DMBT1: variants seen among roughly 807,000 people sequenced by gnomAD.
The protein encoded by DMBT1 is deleted in malignant brain tumors 1.
DMBT1 carries 198 observed loss-of-function variants against 252.9 expected under a neutral mutation model. The observed-to-expected ratio is 0.78, with a 90% CI of 0.70 to 0.88. The LOEUF (loss-of-function observed/expected upper bound fraction) is 0.88, where lower values mean the gene tolerates loss of function less well. Among genes scored for constraint, DMBT1 ranks in the 40% least tolerant of loss-of-function variants. DMBT1 has a pLI of 0.00. For missense variants in DMBT1, 2,432 were observed against 2,404.7 expected (o/e 1.01, Z -0.24); for synonymous variants, 990 against 942.7 (o/e 1.05, Z -0.92).
At chr10:122,618,446 C>T (rs1345796495) in intron 41 of DMBT1, 106 bp downstream of exon 41, 62 of 1,567,432 alleles carry the variant, frequency 4.0e-5, no homozygotes, top group Middle Eastern at 1.7e-4. Flanking sequence ...TCTATGTTTT[C>T]TATATTTCTG....
At chr10:122,625,463 A>G (rs1222824781) in intron 45 of DMBT1, among the ~76,000 whole-genome samples, 160 bp downstream of exon 45, 1 of 152,158 alleles carries the variant, frequency 6.6e-6, no homozygotes, top group Non-Finnish European at 1.5e-5. Context: ...TCCCACTGCC[A>G]TCACTCTCAT....
intron 50 of DMBT1, among the ~76,000 whole-genome samples, chr10:122,632,460 C>T (rs1270410363): frequency 6.7e-6 from 1 of 149,136 alleles, no homozygotes; most frequent in Non-Finnish European, 1.5e-5. Context: ...GGTGCCCTCT[C>T]CCCATCCTCT....
In DMBT1 at chr10:122,640,171, GTAC is replaced by G; in HGVS notation, c.7075_7077del (p.Tyr2359del). The G allele has an allele frequency of 6.2e-7, 1 of 1,614,080 alleles. No homozygotes were observed. Among genetic ancestry groups the G allele is most frequent in the South Asian group, 1.1e-5 (1 of 91,082 alleles). ...TTCAGAACACCTGGGTCGACACCAT[GTAC>G]ATTGCTAATGACACCATCCACGTTG... On this transcript the variant is annotated inframe_deletion, in exon 55 of 56. Transcript: ENST00000338354.
rs774010507 is a variant in DMBT1, at chr10:122,570,937, G to A, written c.187G>A (p.Gly63Ser). 2 of 1,613,184 alleles carry A rather than the reference G, an allele frequency of 1.2e-6. No homozygotes were observed. Among genetic ancestry groups the A allele is most frequent in the Non-Finnish European group, 1.7e-6 (2 of 1,179,180 alleles). ...ESTLESTVAE[G>S]SPISLESTLE... ...GACCCTGGAGTCAACTGTAGCAGAA[G>A]GTAACGTCTACTATGGGGGATCCCT... The change falls in exon 4 of 56, where the codon GGT becomes AGT. Residue 63 changes from glycine to serine, a missense_variant and splice_region_variant. Around this residue, in one of 3 missense-constraint regions of DMBT1, gnomAD observed 1,264 missense variants for 1,082.2 expected, o/e 1.17. Transcript: ENST00000338354.
chr10:122,574,994 G>A (rs778718893), intron 6 of DMBT1, among the ~76,000 whole-genome samples: 5 of 152,202 alleles, frequency 3.3e-5, no homozygotes, highest in Non-Finnish European at 5.9e-5. Context: ...GTAACTCTCA[G>A]ATCACTTCCT....
chr10:122,617,535 G>C (rs981195663), intron 40 of DMBT1, among the ~76,000 whole-genome samples: 1 of 151,546 alleles, frequency 6.6e-6, no homozygotes, highest in East Asian at 2.0e-4. Flanking sequence ...CCCTAATCCT[G>C]CTGGGACCTC....
Position 122,570,920 on chromosome 10 carries a change from A to C in DMBT1, c.170A>C (p.Glu57Ala). The C allele has an allele frequency of 6.2e-7, 1 of 1,613,226 alleles. No homozygotes were observed. Among genetic ancestry groups the C allele is most frequent in the Non-Finnish European group, 8.5e-7 (1 of 1,179,272 alleles). The change falls in exon 4 of 56, where the codon GAG becomes GCG. Residue 57 changes from glutamate to alanine, a missense_variant. Around this residue, in one of 3 missense-constraint regions of DMBT1, gnomAD observed 1,264 missense variants for 1,082.2 expected, o/e 1.17. Transcript: ENST00000338354. ...CCATTTCCCTCGGAGTCGACCCTGG[A>C]GTCAACTGTAGCAGAAGGTAACGTC... ...GSPFPSESTL[E>A]STVAEGSPIS... is the part of the protein sequence containing the mutation.
At position 122,633,070 on chromosome 10, in the gene DMBT1, G is replaced by A; in HGVS notation, c.6398-121G>A. On this transcript the variant is annotated intron_variant, in intron 51 of 55. Transcript: ENST00000338354. ...TCTAGGCCACCTCTTGCTCTTACTTGGTTTCTGTCTTGGGAATTATTTTAT... is the reference window on the plus strand; with the variant it reads ...TCTAGGCCACCTCTTGCTCTTACTTAGTTTCTGTCTTGGGAATTATTTTAT... The A allele has an allele frequency of 2.7e-6, 4 of 1,493,790 alleles. No individual in the cohort carries two copies. The South Asian group carries it at 5.4e-5, about 20-fold the overall frequency. The allele number at this position is 1,493,790 out of a possible 1,614,324, so 92.5% of individuals were successfully genotyped here.
intron 54 of DMBT1, among the ~76,000 whole-genome samples, chr10:122,637,936 C>T (rs1429819913): frequency 6.6e-6 from 1 of 152,188 alleles, no homozygotes; most frequent in Non-Finnish European, 1.5e-5. Flanking sequence ...TGTGTCCCTT[C>T]TCTACAGGCT....
rs764559052 is a variant in DMBT1, at chr10:122,634,430, T to TTCTCTC, written c.6548+1135_6548+1140dup. Among the ~76,000 whole-genome samples the TTCTCTC allele has an allele frequency of 4.5e-3, 336 of 74,216 alleles. 2 individuals carry two copies. Among genetic ancestry groups the TTCTCTC allele is most frequent in the Admixed American group, 0.011 (67 of 6,004 alleles). 48.7% of individuals were successfully genotyped at this position (74,216 alleles called of 152,430 possible). ...CTTTCTTTCTCTCTCTCTCTCTCTC[T>TTCTCTC]TCTCTCTCTCTCTCTCTCTCTCTCT... On this transcript the variant is annotated intron_variant, in intron 52 of 55. Transcript: ENST00000338354.
chr10:122,592,583 G>C lies in DMBT1; in HGVS notation c.2488G>C (p.Val830Leu). The change falls in exon 20 of 56, where the codon GTC (valine) becomes CTC (leucine). Residue 830 changes from valine to leucine, a missense_variant. Transcript: ENST00000338354. ...HNCGHHEDAG[V>L]ICSVSQSRPT... ...CTGTGGCCATCATGAAGATGCTGGT[G>C]TCATCTGCTCAGGTGGGCCTCCAAG... 1 of 1,588,566 alleles carries C rather than the reference G, an allele frequency of 6.3e-7. No homozygotes were observed. The highest frequency in any genetic ancestry group is 1.2e-5 in the South Asian group (1 of 86,948).
intron 1 of DMBT1, among the ~76,000 whole-genome samples, 184 bp downstream of exon 1, chr10:122,561,015 G>A (rs1252460797): frequency 6.6e-6 from 1 of 152,142 alleles, no homozygotes; most frequent in Non-Finnish European, 1.5e-5. Context: ...ATTTCTGGCT[G>A]AGAAATATAA....
chr10:122,629,731 T>C, intron 46 of DMBT1, 109 bp from the exon 47 acceptor site: 2 of 1,321,074 alleles, frequency 1.5e-6, no homozygotes, highest in Non-Finnish European at 1.0e-6. Flanking sequence ...AGTTAAGTCT[T>C]GTTATAAAGT....
Position 122,643,668 on chromosome 10 carries a change from A to T in DMBT1, c.*270A>T, listed in dbSNP as rs1377810536. On this transcript the variant is annotated 3_prime_UTR_variant, in exon 56 of 56. Coordinates refer to ENST00000338354, the MANE Select transcript of DMBT1 (RefSeq NM_001377530.1). The stretch of plus-strand genomic sequence containing the variant: ...TCCATGCTTCTCATCTGCAAAATGA[A>T]AATGTCAATACTTACTTCTTAGCAC... 2.0e-6 allele frequency: 1 copy of T among 510,156 alleles called. No homozygotes were observed. Among genetic ancestry groups the T allele is most frequent in the Non-Finnish European group, 3.5e-6 (1 of 284,116 alleles). The allele number at this position is 510,156 out of a possible 1,614,324, so 31.6% of individuals were successfully genotyped here.
rs2098162979 is a variant in DMBT1 at position 122,631,285 on chromosome 10, T to A, written c.6346+4T>A. 2 of 1,612,528 alleles carry A rather than the reference T, an allele frequency of 1.2e-6. No individual in the cohort carries two copies. Among genetic ancestry groups the A allele is most frequent in the East Asian group, 4.5e-5 (2 of 44,838 alleles). On this transcript the variant is annotated splice_donor_region_variant and intron_variant, in intron 49 of 55. Coordinates refer to ENST00000338354, the MANE Select transcript of DMBT1 (RefSeq NM_001377530.1). ...GATGCTGGTGTCATCTGCTCAGGTATGGCCCAATGCCATGGAAGGCCCATT... is the reference window on the plus strand; with the variant it reads ...GATGCTGGTGTCATCTGCTCAGGTAAGGCCCAATGCCATGGAAGGCCCATT...
chr10:122,638,764 C>A (rs929360949), intron 54 of DMBT1, among the ~76,000 whole-genome samples: 2 of 152,238 alleles, frequency 1.3e-5, no homozygotes, highest in African/African-American at 4.8e-5. Context: ...CTTTAAATAA[C>A]CATATTGCCT....
rs745517819 is a variant in DMBT1 at position 122,643,158 on chromosome 10, G to T, written c.7389G>T (p.Ser2463=). The change falls in exon 56 of 56, where the codon TCG becomes TCT. Residue 2463 remains serine, a synonymous_variant. Coordinates refer to ENST00000338354, the MANE Select transcript of DMBT1 (RefSeq NM_001377530.1). ...ATGACACCTACGGACCCTACTCCTC[G>T]CCATCTCTTCGCATTGCCCGCTTCC... ...VRDDTYGPYS[S]PSLRIARFRF... 79 of 1,613,778 alleles carry T rather than the reference G, an allele frequency of 4.9e-5. No homozygotes were observed. Among genetic ancestry groups the T allele is most frequent in the Non-Finnish European group, 6.5e-5 (77 of 1,179,878 alleles).
At chr10:122,629,347 A>C (rs548396838) in intron 46 of DMBT1, among the ~76,000 whole-genome samples, 16 of 152,308 alleles carry the variant, frequency 1.1e-4, no homozygotes, top group African/African-American at 3.6e-4. Flanking sequence ...CCAAGATGCA[A>C]ACCCAGGCTT....
In DMBT1 at chr10:122,620,872, G is replaced by A. The variant is rs147974058; in HGVS notation, c.5285-185G>A. On this transcript the variant is annotated intron_variant, in intron 43 of 55. Coordinates refer to ENST00000338354, the MANE Select transcript of DMBT1 (RefSeq NM_001377530.1). The stretch of plus-strand genomic sequence containing the variant: ...CAATACTTGAGCTTCCATAGACTTG[G>A]GTGGAGTAGGACATCACTGCTTCTT... 9.5e-3 allele frequency among the ~76,000 whole-genome samples: 1,445 copies of A among 152,308 alleles called. 24 individuals carry two copies. The highest frequency in any genetic ancestry group is 0.032 in the African/African-American group (1,346 of 41,560).
Sources: gnomAD v4.1 joint callset for allele counts (sites outside exome capture counted in the v4.1 genomes callset) on GRCh38, gnomAD v4.1.1 for gene constraint, gnomAD v4.1.1 regional missense constraint, MANE v1.5 for transcripts, NCBI Gene and HGNC (gene_info 2026-07-23, HGNC 2026-07-21) for gene names.